COL11A1: variants seen among roughly 807,000 people sequenced by gnomAD.
COL11A1 encodes collagen alpha-1(XI) chain.
In COL11A1, 74 loss-of-function variants were observed where a neutral mutation model predicts 265.2. That is an observed-to-expected ratio of 0.28 (90% CI 0.23 to 0.34). The LOEUF (loss-of-function observed/expected upper bound fraction) is 0.34. Ranked by LOEUF, COL11A1 falls within the 10% of genes least tolerant of loss-of-function variation. The pLI, the probability that COL11A1 is intolerant of heterozygous loss-of-function variation, is 1.00. For synonymous variants in COL11A1, 816 were observed against 727.6 expected (o/e 1.12, Z -1.96); for missense variants, 2,165 against 2,263.6 (o/e 0.96, Z 0.88).
intron 30 of COL11A1, among the ~76,000 whole-genome samples, chr1:102,985,029 A>G (rs960402814): frequency 6.6e-6 from 1 of 152,040 alleles, no homozygotes; most frequent in Non-Finnish European, 1.5e-5. Context: ...TTAAAAAAAA[A>G]CACAGGTAAA....
intron 13 of COL11A1, among the ~76,000 whole-genome samples, chr1:103,013,314 T>C (rs1335576426): frequency 6.6e-6 from 1 of 151,982 alleles, no homozygotes; most frequent in Non-Finnish European, 1.5e-5. Flanking sequence ...TTCTTAATCC[T>C]TGAGATTAAA....
chr1:103,074,753 C>T lies in COL11A1; in HGVS notation c.516G>A (p.Glu172=). Residue 172 remains glutamate (E), a synonymous_variant, in exon 4 of 67, where the codon GAG becomes GAA. Transcript: ENST00000370096. ...GKWHRVAISV[E]KKTVTMIVDC... ...CAACAATCATTGTCACAGTTTTCTT[C>T]TCCACGCTGATTGCTACCCGATGCC... The T allele has an allele frequency of 1.2e-6, 2 of 1,613,280 alleles. No individual in the cohort carries two copies. Among genetic ancestry groups the T allele is most frequent in the Non-Finnish European group, 1.7e-6 (2 of 1,179,576 alleles).
At chr1:103,086,490 C>G (rs11164666) in intron 1 of COL11A1, among the ~76,000 whole-genome samples, 3 of 151,954 alleles carry the variant, frequency 2.0e-5, no homozygotes, top group South Asian at 4.2e-4. Context: ...GATCTCGGCT[C>G]GCTGCAAGCC....
Position 102,877,147 on chromosome 1 carries a change from G to A in COL11A1, c.*872C>T, listed in dbSNP as rs1349985615. 1 of 152,484 alleles carries A rather than the reference G, an allele frequency of 6.6e-6. No homozygotes were observed. Among genetic ancestry groups the A allele is most frequent in the African/African-American group, 2.4e-5 (1 of 41,424 alleles). 9.4% of individuals were successfully genotyped at this position (152,484 alleles called of 1,614,324 possible). A position where few individuals can be genotyped will look rare whatever the true frequency, so the allele number is the denominator to read the frequency against. ...TACATATGATTGTTTGCTTGACGGA[G>A]GCATTGATTTGTTAATATACTTTCT... is the stretch of plus-strand genomic sequence containing the variant. On this transcript the variant is annotated 3_prime_UTR_variant, in exon 67 of 67. Coordinates refer to ENST00000370096, the MANE Select transcript of COL11A1 (RefSeq NM_001854.4).
At chr1:103,075,805 C>T (rs1480944447) in intron 3 of COL11A1, among the ~76,000 whole-genome samples, 3 of 152,104 alleles carry the variant, frequency 2.0e-5, no homozygotes, top group Admixed American at 1.3e-4. Context: ...TTTCATGTGA[C>T]TTGGCATGGT....
At chr1:103,015,870 T>A in intron 11 of COL11A1, 128 bp from the exon 12 acceptor site, 2 of 632,982 alleles carry the variant, frequency 3.2e-6, no homozygotes, top group Non-Finnish European at 5.4e-6. Context: ...ATTTAGTCTG[T>A]TTTTAGTAAG....
intron 1 of COL11A1, among the ~76,000 whole-genome samples, chr1:103,101,602 A>C (rs1381614671): frequency 6.6e-6 from 1 of 151,936 alleles, no homozygotes; most frequent in Non-Finnish European, 1.5e-5. Context: ...TCAGTTTACC[A>C]GTCAAACAGA....
intron 28 of COL11A1, among the ~76,000 whole-genome samples, chr1:102,994,778 C>T (rs1303751845): frequency 2.0e-5 from 3 of 151,972 alleles, no homozygotes; most frequent in Non-Finnish European, 2.9e-5. Context: ...GTGTATTAGT[C>T]CGCTTTTACA....
At chr1:102,949,070 AG>A (rs1405475473) in intron 41 of COL11A1, among the ~76,000 whole-genome samples, 1 of 152,086 alleles carries the variant, frequency 6.6e-6, no homozygotes, top group Non-Finnish European at 1.5e-5. Flanking sequence ...CTAAAAAGAG[AG>A]AAAAGAAAAA....
At chr1:102,903,466 T>A (rs1403939823) in intron 54 of COL11A1, among the ~76,000 whole-genome samples, 18 of 152,210 alleles carry the variant, frequency 1.2e-4, no homozygotes, top group Admixed American at 1.2e-3. Context: ...GTGGCTTTTT[T>A]ATTGTTTCCA....
chr1:102,895,315 A>C (rs1652283361), intron 57 of COL11A1, among the ~76,000 whole-genome samples: 1 of 152,184 alleles, frequency 6.6e-6, no homozygotes, highest in African/African-American at 2.4e-5. Flanking sequence ...CAATTGTCTA[A>C]ATAGGTAGCT....
rs551442461 is a variant in COL11A1, at chr1:103,093,045, G to T, written c.107-10073C>A. ...TCCATGAATCCATCACTGCATCTAT[G>T]CCAGTAAGTGCAAAAGCCTTGAACT... On this transcript the variant is annotated intron_variant, in intron 1 of 66. Transcript: ENST00000370096. 2.0e-5 allele frequency among the ~76,000 whole-genome samples: 3 copies of T among 152,104 alleles called. No homozygotes were observed. In the South Asian group the frequency reaches 6.2e-4, roughly 32 times the overall value.
rs773151919 is a variant in COL11A1, at chr1:102,886,923, C to A, written c.4742G>T (p.Gly1581Val). ...DYSDGMEEIFGSLNSLKQDIE... is the reference protein window; with the variant it reads ...DYSDGMEEIFVSLNSLKQDIE... ...GTCTTGTTTCAGGGAATTGAGGGAA[C>A]CAAATATTTCTTCCATTCCATCCGA... Residue 1581 changes from glycine (G) to valine (V), a missense_variant, in exon 63 of 67, where the codon GGT (glycine) becomes GTT (valine). Coordinates refer to ENST00000370096, the MANE Select transcript of COL11A1 (RefSeq NM_001854.4). The A allele has an allele frequency of 3.1e-6, 5 of 1,613,668 alleles. No individual in the cohort carries two copies. Among genetic ancestry groups the A allele is most frequent in the Admixed American group, 1.7e-5 (1 of 59,954 alleles).
intron 4 of COL11A1, among the ~76,000 whole-genome samples, chr1:103,031,852 G>GA (rs34710577): frequency 1.7e-4 from 25 of 145,788 alleles, no homozygotes; most frequent in Admixed American, 6.9e-4. Flanking sequence ...TTTATATTAA[G>GA]AAAAAAAAAA....
At position 103,001,966 on chromosome 1, in the gene COL11A1, G is replaced by A. The variant is rs771448295; in HGVS notation, c.2101C>T (p.Leu701Phe). 1 of 1,612,584 alleles carries A rather than the reference G, an allele frequency of 6.2e-7. No homozygotes were observed. Among genetic ancestry groups the A allele is most frequent in the South Asian group, 1.1e-5 (1 of 91,024 alleles). ...CCAATTGGACCTTGTGGACCAGGAA[G>A]ACCCTATTTTAAAAGAATTTATTTC... ...GQQGNPGPQG[L>F]PGPQGPIGPP... The change falls in exon 24 of 67, where the codon CTT (leucine) becomes TTT (phenylalanine). Residue 701 changes from leucine to phenylalanine, a missense_variant. Coordinates refer to ENST00000370096, the MANE Select transcript of COL11A1 (RefSeq NM_001854.4).
chr1:102,878,117 T>G lies in COL11A1; in HGVS notation c.5323A>C (p.Ile1775Leu). ...ACATCAACAATAGGTACTTGATCAATTTTTGGTGTATTGATTTCAATGACA... is the reference window on the plus strand; with the variant it reads ...ACATCAACAATAGGTACTTGATCAAGTTTTGGTGTATTGATTTCAATGACA... ...KTVIEINTPK[I>L]DQVPIVDVMI... Residue 1775 changes from isoleucine (I) to leucine (L), a missense_variant, in exon 67 of 67, where the codon ATT becomes CTT. Physicochemically the swap from Ile to Leu is conservative, Grantham distance 5. Coordinates refer to ENST00000370096, the MANE Select transcript of COL11A1 (RefSeq NM_001854.4). The G allele has an allele frequency of 6.2e-7, 1 of 1,613,242 alleles. No individual in the cohort carries two copies. Among genetic ancestry groups the G allele is most frequent in the South Asian group, 1.1e-5 (1 of 91,058 alleles).
chr1:103,045,921 C>T (rs1428275722), intron 4 of COL11A1, among the ~76,000 whole-genome samples: 1 of 151,946 alleles, frequency 6.6e-6, no homozygotes, highest in Non-Finnish European at 1.5e-5. Context: ...CCAGCTTCAT[C>T]CATGTCCCTA....
chr1:102,948,155 T>C (rs1376222067), intron 41 of COL11A1, among the ~76,000 whole-genome samples: 2 of 152,218 alleles, frequency 1.3e-5, no homozygotes, highest in Non-Finnish European at 2.9e-5. Flanking sequence ...AGGAAACTAA[T>C]TACATGTGAT....
chr1:102,928,978 A>T (rs1657012330), intron 46 of COL11A1, among the ~76,000 whole-genome samples: 2 of 103,204 alleles, frequency 1.9e-5, no homozygotes, highest in Non-Finnish European at 4.4e-5. Context: ...TTCATTGTAG[A>T]TTCTGGATAT....
Sources: gnomAD v4.1 joint callset for allele counts (sites outside exome capture counted in the v4.1 genomes callset) on GRCh38, gnomAD v4.1.1 for gene constraint, MANE v1.5 for transcripts, NCBI Gene and HGNC (gene_info 2026-07-23, HGNC 2026-07-21) for gene names.